Variants in NKAIN3 observed in about 807,000 individuals in gnomAD.
The protein encoded by NKAIN3 is sodium/potassium transporting ATPase interacting 3, also known as sodium/potassium-transporting ATPase subunit beta-1-interacting protein 3.
Under a neutral mutation model 30.2 loss-of-function variants are expected in NKAIN3, and 25 were observed. The observed-to-expected ratio is 0.83, with a 90% confidence interval of 0.60 to 1.16. The LOEUF (loss-of-function observed/expected upper bound fraction) is 1.16. Among genes scored for constraint, NKAIN3 ranks in the 50% most tolerant of loss-of-function variants. NKAIN3 has a pLI of 0.00. For synonymous variants in NKAIN3, 91 were observed against 89.6 expected (o/e 1.02, Z -0.09); for missense variants, 225 against 254.1 (o/e 0.89, Z 0.78).
intron 4 of NKAIN3, among the ~76,000 whole-genome samples, chr8:62,831,772 G>C (rs1019693132): frequency 2.0e-5 from 3 of 152,086 alleles, no homozygotes; most frequent in Admixed American, 6.6e-5. Context: ...TGAGAGAGGA[G>C]AATAACTTGG....
At chr8:62,551,162 A>G (rs922972350) in intron 1 of NKAIN3, among the ~76,000 whole-genome samples, 1 of 152,180 alleles carries the variant, frequency 6.6e-6, no homozygotes, top group Non-Finnish European at 1.5e-5. Flanking sequence ...TCTGGAATTC[A>G]AGAATACAAT....
chr8:62,486,830 C>A (rs1240345403), intron 1 of NKAIN3, among the ~76,000 whole-genome samples: 1 of 152,102 alleles, frequency 6.6e-6, no homozygotes, highest in East Asian at 1.9e-4. Context: ...GGAAAGACTG[C>A]AAAGTGGAAG....
At chr8:62,965,128 C>G (rs568419246) in intron 6 of NKAIN3, among the ~76,000 whole-genome samples, 1 of 152,252 alleles carries the variant, frequency 6.6e-6, no homozygotes, top group South Asian at 2.1e-4. Flanking sequence ...GTGGTTGGCA[C>G]TTCTCTCCCA....
intron 5 of NKAIN3, among the ~76,000 whole-genome samples, chr8:62,943,495 A>C (rs914433552): frequency 1.3e-5 from 2 of 152,064 alleles, no homozygotes; most frequent in Admixed American, 6.6e-5. Context: ...TCCTTAAAGA[A>C]GCAAAAATAG....
chr8:62,748,878 A>G (rs1189185004), intron 4 of NKAIN3, among the ~76,000 whole-genome samples: 2 of 152,176 alleles, frequency 1.3e-5, no homozygotes, highest in African/African-American at 2.4e-5. Context: ...TTGCCAATAT[A>G]TGCTTATCAG....
At chr8:62,585,868 T>C (rs759931226) in intron 2 of NKAIN3, among the ~76,000 whole-genome samples, 1 of 152,162 alleles carries the variant, frequency 6.6e-6, no homozygotes, top group Non-Finnish European at 1.5e-5. Flanking sequence ...TTCCTATCTG[T>C]TTACTCCTCG....
intron 6 of NKAIN3, among the ~76,000 whole-genome samples, chr8:62,957,156 C>A (rs1375704724): frequency 1.3e-5 from 2 of 150,718 alleles, no homozygotes; most frequent in South Asian, 2.1e-4. Context: ...TTTTTTAAGA[C>A]GGAGTCTTGC....
intron 1 of NKAIN3, among the ~76,000 whole-genome samples, chr8:62,419,746 C>G (rs1310904188): frequency 6.6e-6 from 1 of 152,130 alleles, no homozygotes; most frequent in Non-Finnish European, 1.5e-5. Flanking sequence ...AAGAGTCTTC[C>G]TATTTCCTGG....
chr8:62,354,473 A>C (rs1465961947), intron 1 of NKAIN3, among the ~76,000 whole-genome samples: 1 of 151,950 alleles, frequency 6.6e-6, no homozygotes, highest in African/African-American at 2.4e-5. Flanking sequence ...TTTGAGACGG[A>C]GTCTCTGTCA....
At chr8:62,318,729 G>A (rs9693375) in intron 1 of NKAIN3, among the ~76,000 whole-genome samples, 5,345 of 152,214 alleles carry the variant, frequency 0.035, 342 homozygotes, top group African/African-American at 0.12. Context: ...GCTGGATTCG[G>A]TTTGCCAGTA....
intron 3 of NKAIN3, among the ~76,000 whole-genome samples, chr8:62,700,631 G>A (rs1814304422): frequency 6.6e-6 from 1 of 152,148 alleles, no homozygotes; most frequent in Non-Finnish European, 1.5e-5. Context: ...AAAGAAAATG[G>A]AGATGCAAAA....
intron 4 of NKAIN3, among the ~76,000 whole-genome samples, chr8:62,895,282 G>C (rs529329058): frequency 1.4e-3 from 210 of 152,302 alleles, no homozygotes; most frequent in African/African-American, 4.9e-3. Flanking sequence ...AAAGGCCAAA[G>C]GCCAGGGCTG....
At chr8:62,317,315 T>C (rs935265346) in intron 1 of NKAIN3, among the ~76,000 whole-genome samples, 1 of 152,218 alleles carries the variant, frequency 6.6e-6, no homozygotes, top group Non-Finnish European at 1.5e-5. Flanking sequence ...TTTGTTGCCA[T>C]TGCTTTTGAT....
intron 1 of NKAIN3, among the ~76,000 whole-genome samples, chr8:62,308,254 T>C (rs1814318041): frequency 6.6e-6 from 1 of 150,552 alleles, no homozygotes; most frequent in Admixed American, 6.6e-5. Flanking sequence ...GACTGCATCC[T>C]CTGCCACTCC....
intron 1 of NKAIN3, among the ~76,000 whole-genome samples, chr8:62,270,999 A>T (rs1437066443): frequency 6.6e-6 from 1 of 152,230 alleles, no homozygotes; most frequent in Non-Finnish European, 1.5e-5. Flanking sequence ...ATATTTTTAA[A>T]TGTCACTCAT....
At chr8:62,539,817 T>A (rs1188084203) in intron 1 of NKAIN3, among the ~76,000 whole-genome samples, 1 of 152,174 alleles carries the variant, frequency 6.6e-6, no homozygotes, top group African/African-American at 2.4e-5. Flanking sequence ...TGGGCTCAAG[T>A]GATCTTCCCA....
chr8:62,579,499 C>T (rs1338421185), intron 1 of NKAIN3, 40 bp from the exon 2 acceptor site: 1 of 1,525,320 alleles, frequency 6.6e-7, no homozygotes, highest in Non-Finnish European at 8.8e-7. Flanking sequence ...TATGATGATG[C>T]TTGGATTCAA....
chr8:62,529,496 C>G (rs1364662637), intron 1 of NKAIN3, among the ~76,000 whole-genome samples: 1 of 152,014 alleles, frequency 6.6e-6, no homozygotes, highest in Non-Finnish European at 1.5e-5. Flanking sequence ...GAGGGTGGAG[C>G]CCTCCTGAAT....
At chr8:62,412,360 T>C (rs1459669518) in intron 1 of NKAIN3, among the ~76,000 whole-genome samples, 1 of 150,950 alleles carries the variant, frequency 6.6e-6, no homozygotes, top group Non-Finnish European at 1.5e-5. Flanking sequence ...CAATAAGTGG[T>C]GCTAAGATAA....
Sources: gnomAD v4.1 joint callset for allele counts (sites outside exome capture counted in the v4.1 genomes callset) on GRCh38, gnomAD v4.1.1 for gene constraint, MANE v1.5 for transcripts, NCBI Gene and HGNC (gene_info 2026-07-23, HGNC 2026-07-21) for gene names.